The following C14orf132 variants were observed in gnomAD, a reference collection of about 807,000 sequenced individuals.
The protein encoded by C14orf132 is uncharacterized protein C14orf132.
C14orf132 carries 6 observed loss-of-function variants against 5.8 expected under a neutral mutation model. That is an observed-to-expected ratio of 1.03 (90% CI 0.57 to 2.04). The LOEUF is 2.04. Ranked by LOEUF, C14orf132 falls within the 30% of genes most tolerant of loss-of-function variation. The pLI is 0.00. For synonymous variants in C14orf132, 51 were observed against 49.8 expected, an observed-to-expected ratio of 1.02 and a Z score of -0.10; for missense variants, 125 against 115.8, an observed-to-expected ratio of 1.08 and a Z score of -0.37.
chr14:96,079,674 A>C (rs767340710), intron 1 of C14orf132, among the ~76,000 whole-genome samples: 9 of 152,138 alleles, frequency 5.9e-5, no homozygotes, highest in African/African-American at 9.7e-5. Context: ...TAGACCACAG[A>C]GACCCTGCGA....
chr14:96,070,918 C>G (rs1318967895), intron 1 of C14orf132, among the ~76,000 whole-genome samples: 2 of 152,126 alleles, frequency 1.3e-5, no homozygotes. Context: ...ATGACTGCCA[C>G]ACTGTAAAGG....
In C14orf132 at chr14:96,090,830, A is replaced by G; in HGVS notation, c.*4095A>G. 2.2e-6 allele frequency: 1 copy of G among 456,096 alleles called. No individual in the cohort carries two copies. The highest frequency in any genetic ancestry group is 3.3e-4 in the Middle Eastern group (1 of 3,070). The allele number at this position is 456,096 out of a possible 1,614,324, so 28.3% of individuals were successfully genotyped here. A position where few individuals can be genotyped will look rare whatever the true frequency, so the allele number is the denominator to read the frequency against. ...TCCTGAAGTGGGTCCCTGGAGACCG[A>G]AGAGGCTCAGTGGAGTCTGTCTGTT... On this transcript the variant is annotated 3_prime_UTR_variant, in exon 2 of 2. Transcript: ENST00000555004.
At chr14:96,079,008 G>T (rs559531435) in intron 1 of C14orf132, among the ~76,000 whole-genome samples, 1 of 152,200 alleles carries the variant, frequency 6.6e-6, no homozygotes, top group Non-Finnish European at 1.5e-5. Context: ...CCTTTCTTAC[G>T]TTCCCAGTGT....
Position 96,049,647 on chromosome 14 carries a change from T to G in C14orf132, c.27+10120T>G, listed in dbSNP as rs1566823944. ...ATATATATACATATATACGTATATA[T>G]ATATATAGAGAGAGAGAGAGAGAGA... On this transcript the variant is annotated intron_variant, in intron 1 of 1. Transcript: ENST00000555004. Among the ~76,000 whole-genome samples the G allele has an allele frequency of 1.1e-3, 85 of 78,766 alleles. 4 individuals are homozygous for G. Among genetic ancestry groups the G allele is most frequent in the East Asian group, 7.7e-3 (10 of 1,300 alleles). 51.7% of individuals were successfully genotyped at this position (78,766 alleles called of 152,430 possible). A position where few individuals can be genotyped will look rare whatever the true frequency, so the allele number is the denominator to read the frequency against.
At chr14:96,060,930 C>T (rs550780777) in intron 1 of C14orf132, among the ~76,000 whole-genome samples, 8 of 152,256 alleles carry the variant, frequency 5.3e-5, no homozygotes, top group African/African-American at 1.7e-4. Context: ...TTGCCATAGA[C>T]CTTTGAATAG....
chr14:96,065,315 A>G (rs759748517), intron 1 of C14orf132, among the ~76,000 whole-genome samples: 4 of 152,240 alleles, frequency 2.6e-5, no homozygotes, highest in Non-Finnish European at 4.4e-5. Context: ...TCCGATGTGC[A>G]TCTCCAGTGG....
At chr14:96,076,180 T>C (rs115461100) in intron 1 of C14orf132, among the ~76,000 whole-genome samples, 1,582 of 152,314 alleles carry the variant, frequency 0.01, 27 homozygotes, top group African/African-American at 0.036. Context: ...TTCACCTACA[T>C]TGTCAAACCT....
chr14:96,073,605 C>A (rs568571319), intron 1 of C14orf132, among the ~76,000 whole-genome samples: 1 of 152,162 alleles, frequency 6.6e-6, no homozygotes, highest in Non-Finnish European at 1.5e-5. Flanking sequence ...TTAGCTCAAC[C>A]GTTTTGGAAG....
At position 96,089,461 on chromosome 14, in the gene C14orf132, A is replaced by G. The variant is rs534472889; in HGVS notation, c.*2726A>G. ...CTGGGAAGTTGGGCTCTAGAGCCAG[A>G]CTGTACTGCCTTCTGCCACACTGTA... On this transcript the variant is annotated 3_prime_UTR_variant, in exon 2 of 2. Coordinates refer to ENST00000555004, the MANE Select transcript of C14orf132 (RefSeq NM_001252507.3). 4.6e-5 allele frequency: 7 copies of G among 152,398 alleles called. No homozygotes were observed. Among genetic ancestry groups the G allele is most frequent in the African/African-American group, 1.7e-4 (7 of 41,568 alleles). The allele number at this position is 152,398 out of a possible 1,614,324, so 9.4% of individuals were successfully genotyped here. A position where few individuals can be genotyped will look rare whatever the true frequency, so the allele number is the denominator to read the frequency against.
At chr14:96,058,303 G>T (rs1435147718) in intron 1 of C14orf132, among the ~76,000 whole-genome samples, 2 of 152,094 alleles carry the variant, frequency 1.3e-5, no homozygotes, top group Non-Finnish European at 2.9e-5. Context: ...GTGACCTGAT[G>T]CTATTTTATT....
intron 1 of C14orf132, among the ~76,000 whole-genome samples, chr14:96,049,640 GTATATATAT>G (rs1886966746): frequency 6.7e-5 from 3 of 44,578 alleles, no homozygotes; most frequent in African/African-American, 2.9e-4. Flanking sequence ...ACATATATAC[GTATATATAT>G]ATATAGAGAG....
At position 96,086,802 on chromosome 14, in the gene C14orf132, T is replaced by C. The variant is rs1888208659; in HGVS notation, c.*67T>C. The C allele has an allele frequency of 1.7e-5, 24 of 1,446,520 alleles. No homozygotes were observed. The highest frequency in any genetic ancestry group is 2.2e-5 in the Non-Finnish European group (24 of 1,073,868). The allele number at this position is 1,446,520 out of a possible 1,614,324, so 89.6% of individuals were successfully genotyped here. On this transcript the variant is annotated 3_prime_UTR_variant, in exon 2 of 2. Coordinates refer to ENST00000555004, the MANE Select transcript of C14orf132 (RefSeq NM_001252507.3). ...GTAGCTCTGACTTGCTGTCGGCCTT[T>C]GGCTTCTCCTGTGTTCTAGAACCAG...
chr14:96,041,563 A>G (rs1157172714), intron 1 of C14orf132, among the ~76,000 whole-genome samples: 3 of 152,158 alleles, frequency 2.0e-5, no homozygotes, highest in South Asian at 2.1e-4. Context: ...TCTGCTGTTG[A>G]TTCATCCCAT....
At chr14:96,062,919 C>T (rs970113474) in intron 1 of C14orf132, among the ~76,000 whole-genome samples, 3 of 152,126 alleles carry the variant, frequency 2.0e-5, no homozygotes, top group Non-Finnish European at 2.9e-5. Flanking sequence ...TTTGCCCAAA[C>T]AAGCCACTGA....
intron 1 of C14orf132, among the ~76,000 whole-genome samples, chr14:96,042,987 T>G (rs1204062594): frequency 6.6e-6 from 1 of 152,252 alleles, no homozygotes; most frequent in African/African-American, 2.4e-5. Flanking sequence ...CTTTTAGGAC[T>G]GAGTCCAAAA....
chr14:96,072,470 C>T (rs971974905), intron 1 of C14orf132, among the ~76,000 whole-genome samples: 13 of 152,344 alleles, frequency 8.5e-5, no homozygotes, highest in African/African-American at 3.1e-4. Flanking sequence ...GCAAATGCTG[C>T]AGTCTCCTTC....
chr14:96,046,283 T>C (rs1017862094), intron 1 of C14orf132, among the ~76,000 whole-genome samples: 3 of 152,214 alleles, frequency 2.0e-5, no homozygotes, highest in African/African-American at 7.2e-5. Context: ...GGATGGTCAT[T>C]GTCCTTGGGG....
At chr14:96,044,562 A>G (rs1886783705) in intron 1 of C14orf132, among the ~76,000 whole-genome samples, 2 of 152,212 alleles carry the variant, frequency 1.3e-5, no homozygotes, top group African/African-American at 2.4e-5. Context: ...TGGGTGGTTT[A>G]AAACAACAGA....
intron 1 of C14orf132, among the ~76,000 whole-genome samples, chr14:96,052,416 C>T (rs991272498): frequency 3.3e-5 from 5 of 152,222 alleles, no homozygotes; most frequent in Non-Finnish European, 7.3e-5. Flanking sequence ...CTCCTCTGCC[C>T]CTGCAGCTCC....
Sources: allele counts gnomAD v4.1 joint callset (sites outside exome capture counted in the v4.1 genomes callset), GRCh38; gene constraint gnomAD v4.1.1; transcripts MANE v1.5; gene names NCBI Gene and HGNC (gene_info 2026-07-23, HGNC 2026-07-21).